Variants in CDKAL1 observed in about 807,000 individuals in gnomAD.
CDKAL1 encodes the protein CDKAL1 threonylcarbamoyladenosine tRNA methylthiotransferase, also known as threonylcarbamoyladenosine tRNA methylthiotransferase.
Under a neutral mutation model 68.2 loss-of-function variants are expected in CDKAL1, and 32 were observed. The observed-to-expected ratio is 0.47, with a 90% CI of 0.35 to 0.63. The LOEUF (loss-of-function observed/expected upper bound fraction) is 0.63, where lower values mean the gene tolerates loss of function less well. CDKAL1 is among the 30% of genes least tolerant of loss of function. The probability of loss-of-function intolerance (pLI) is 0.00; values close to 1 mark genes in which losing one functional copy is unlikely to be tolerated. For missense variants in CDKAL1, 606 were observed against 696.7 expected (o/e 0.87, Z 1.47); for synonymous variants, 234 against 244.3 (o/e 0.96, Z 0.39).
Position 20,712,361 on chromosome 6 carries a change from A to G in CDKAL1, c.372-27158A>G, listed in dbSNP as rs185315871. Among the ~76,000 whole-genome samples the G allele has an allele frequency of 2.7e-3, 411 of 152,312 alleles. 5 individuals carry two copies. The highest frequency in any genetic ancestry group is 9.2e-3 in the African/African-American group (383 of 41,582). On this transcript the variant is annotated intron_variant, in intron 5 of 15. Transcript: ENST00000274695. ...CCTAAGGGATTAGTGGAAACCAGACAGGAATTAGTCATGAGCAGCATACCC... is the reference window on the plus strand; with the variant it reads ...CCTAAGGGATTAGTGGAAACCAGACGGGAATTAGTCATGAGCAGCATACCC...
intron 12 of CDKAL1, among the ~76,000 whole-genome samples, chr6:21,107,867 T>A (rs1773927203): frequency 6.6e-6 from 1 of 152,232 alleles, no homozygotes; most frequent in African/African-American, 2.4e-5. Flanking sequence ...GCCTGCTGTG[T>A]GTAAAACACC....
intron 9 of CDKAL1, among the ~76,000 whole-genome samples, chr6:20,896,193 C>T (rs1035788636): frequency 1.1e-4 from 16 of 150,332 alleles, no homozygotes; most frequent in Non-Finnish European, 2.2e-4. Context: ...CTCCGCCTCC[C>T]AGGTTCAAGC....
At chr6:20,888,477 G>A (rs960034657) in intron 9 of CDKAL1, among the ~76,000 whole-genome samples, 28 of 145,160 alleles carry the variant, frequency 1.9e-4, no homozygotes, top group Non-Finnish European at 3.2e-4. Flanking sequence ...CCATTAACTC[G>A]TCATTTAGCA....
intron 9 of CDKAL1, among the ~76,000 whole-genome samples, chr6:20,872,919 G>C (rs1174462855): frequency 6.6e-6 from 1 of 152,174 alleles, no homozygotes; most frequent in Non-Finnish European, 1.5e-5. Flanking sequence ...AATGACCAAG[G>C]ATTGTAGCCT....
At chr6:20,540,166 T>A (rs1019177134) in intron 2 of CDKAL1, among the ~76,000 whole-genome samples, 1 of 148,724 alleles carries the variant, frequency 6.7e-6, no homozygotes, top group Non-Finnish European at 1.5e-5. Context: ...CTCTGCCTCC[T>A]GGGCTCAGGC....
At chr6:21,224,343 A>G (rs1323870791) in intron 15 of CDKAL1, among the ~76,000 whole-genome samples, 1 of 152,162 alleles carries the variant, frequency 6.6e-6, no homozygotes, top group Non-Finnish European at 1.5e-5. Context: ...CCTGACCAAT[A>G]TGGTGAAACC....
At chr6:21,160,654 CACGT>C (rs1283004462) in intron 13 of CDKAL1, among the ~76,000 whole-genome samples, 2 of 134,048 alleles carry the variant, frequency 1.5e-5, no homozygotes, top group African/African-American at 5.4e-5. Flanking sequence ...CACACACACA[CACGT>C]GTGTGTGTGT....
In CDKAL1 at chr6:21,183,638, A is replaced by G. The variant is rs141928963; in HGVS notation, c.1300-14383A>G. Among the ~76,000 whole-genome samples, 433 of 152,292 alleles carry G rather than the reference A, an allele frequency of 2.8e-3. 12 individuals carry two copies. Among genetic ancestry groups the G allele is most frequent in the Admixed American group, 0.025 (383 of 15,298 alleles). On this transcript the variant is annotated intron_variant, in intron 13 of 15. Coordinates refer to ENST00000274695, the MANE Select transcript of CDKAL1 (RefSeq NM_017774.3). ...TCACAGAGCTGTCTTCTTATAATAAATGGAAGATGTGTGTGAAGTTGGAAT... is the reference window on the plus strand; with the variant it reads ...TCACAGAGCTGTCTTCTTATAATAAGTGGAAGATGTGTGTGAAGTTGGAAT...
At chr6:21,115,413 G>C (rs1452430596) in intron 13 of CDKAL1, among the ~76,000 whole-genome samples, 1 of 152,194 alleles carries the variant, frequency 6.6e-6, no homozygotes, top group Non-Finnish European at 1.5e-5. Context: ...CTGCTGTCTG[G>C]AAATAGCAAA....
chr6:21,199,345 G>A (rs1020210996), intron 14 of CDKAL1, among the ~76,000 whole-genome samples: 4 of 152,178 alleles, frequency 2.6e-5, no homozygotes, highest in Non-Finnish European at 4.4e-5. Context: ...GTTCAGTACC[G>A]GTGGAGACTG....
At chr6:20,797,586 T>C (rs1358289007) in intron 8 of CDKAL1, among the ~76,000 whole-genome samples, 1 of 152,122 alleles carries the variant, frequency 6.6e-6, no homozygotes, top group African/African-American at 2.4e-5. Context: ...AAACAACTCC[T>C]GTATCCTTTA....
intron 10 of CDKAL1, among the ~76,000 whole-genome samples, chr6:20,972,536 A>G (rs1299107201): frequency 1.3e-5 from 2 of 152,232 alleles, no homozygotes; most frequent in Non-Finnish European, 2.9e-5. Context: ...AGGATAAACA[A>G]CTTATTTTCA....
intron 7 of CDKAL1, among the ~76,000 whole-genome samples, chr6:20,777,649 G>T (rs186553405): frequency 1.3e-5 from 2 of 151,942 alleles, no homozygotes; most frequent in Admixed American, 6.6e-5. Context: ...ATACAATTAC[G>T]TAAAAAACAA....
chr6:20,761,809 G>A (rs762618034), intron 7 of CDKAL1, among the ~76,000 whole-genome samples: 3 of 152,120 alleles, frequency 2.0e-5, no homozygotes, highest in Admixed American at 6.6e-5. Context: ...ATTTATGACA[G>A]TAATTCTATT....
chr6:20,542,338 G>A (rs111798390), intron 2 of CDKAL1, among the ~76,000 whole-genome samples: 4 of 152,336 alleles, frequency 2.6e-5, no homozygotes, highest in African/African-American at 9.6e-5. Context: ...GTAGGTAGTA[G>A]AGTACCACAC....
chr6:20,702,582 G>A (rs545878042), intron 5 of CDKAL1, among the ~76,000 whole-genome samples: 3 of 152,106 alleles, frequency 2.0e-5, no homozygotes, highest in African/African-American at 4.8e-5. Context: ...TCCGCCAGTC[G>A]ATGGCCGGCT....
chr6:20,940,524 C>T (rs1763919045), intron 9 of CDKAL1, among the ~76,000 whole-genome samples: 1 of 152,060 alleles, frequency 6.6e-6, no homozygotes, highest in Non-Finnish European at 1.5e-5. Flanking sequence ...CTCGTTATAT[C>T]CAAAATGCTA....
At chr6:20,955,375 A>G in intron 9 of CDKAL1, 44 bp from the exon 10 acceptor site, 2 of 1,596,532 alleles carry the variant, frequency 1.3e-6, no homozygotes, top group South Asian at 1.1e-5. Context: ...GATGAAGGAA[A>G]CAGCTCTGCC....
At chr6:20,994,632 T>C (rs1767006493) in intron 10 of CDKAL1, among the ~76,000 whole-genome samples, 1 of 152,238 alleles carries the variant, frequency 6.6e-6, no homozygotes. Flanking sequence ...TCCAGACCTC[T>C]GCAAAATAGC....
Sources: allele counts gnomAD v4.1 joint callset (sites outside exome capture counted in the v4.1 genomes callset), GRCh38; gene constraint gnomAD v4.1.1; transcripts MANE v1.5; gene names NCBI Gene and HGNC (gene_info 2026-07-23, HGNC 2026-07-21).